The following NCKAP5 variants were observed in gnomAD, a reference collection of about 807,000 sequenced individuals.
NCKAP5 encodes nck-associated protein 5.
NCKAP5 carries 92 observed loss-of-function variants against 167.0 expected under a neutral mutation model. That is an observed-to-expected ratio of 0.55 (90% CI 0.47 to 0.66). The LOEUF (loss-of-function observed/expected upper bound fraction) is 0.66, where lower values mean the gene tolerates loss of function less well. Among genes scored for constraint, NCKAP5 ranks in the 30% least tolerant of loss-of-function variants. NCKAP5 has a pLI of 0.00. For missense variants in NCKAP5, 2,378 were observed against 2,315.0 expected, an observed-to-expected ratio of 1.03 and a Z score of -0.56; for synonymous variants, 891 against 877.4, an observed-to-expected ratio of 1.02 and a Z score of -0.27.
chr2:132,830,790 G>A (rs1186855393), intron 11 of NCKAP5, among the ~76,000 whole-genome samples: 4 of 152,104 alleles, frequency 2.6e-5, no homozygotes, highest in Middle Eastern at 3.4e-3. Context: ...AGCATTTCAT[G>A]GTCTTTTAAT....
In NCKAP5 at chr2:132,785,504, A is replaced by G; in HGVS notation, c.1307T>C (p.Ile436Thr). Residue 436 changes from isoleucine to threonine, a missense_variant, in exon 14 of 20, where the codon ATA becomes ACA. Ile to Thr is a moderately conservative substitution (Grantham distance 89). Coordinates refer to ENST00000409261, the MANE Select transcript of NCKAP5 (RefSeq NM_207363.3). ...GCTACTTTTAATTCCAGGAGAATAT[A>G]TTCCTTCATTCGAGTTCATGCAATC... The part of the protein sequence containing the change: ...YKDCMNSNEG[I>T]YSPGIKSSSL... The G allele has an allele frequency of 6.2e-7, 1 of 1,612,180 alleles. No homozygotes were observed. The highest frequency in any genetic ancestry group is 8.5e-7 in the Non-Finnish European group (1 of 1,179,030).
At chr2:133,488,028 G>T (rs1047218384) in intron 3 of NCKAP5, among the ~76,000 whole-genome samples, 8 of 152,174 alleles carry the variant, frequency 5.3e-5, no homozygotes, top group Non-Finnish European at 8.8e-5. Context: ...GGTTTGATCT[G>T]TGACCTTTGG....
chr2:133,149,713 T>A lies in NCKAP5; in HGVS notation c.208-19602A>T, dbSNP rs561279723. On this transcript the variant is annotated intron_variant, in intron 5 of 19. Coordinates refer to ENST00000409261, the MANE Select transcript of NCKAP5 (RefSeq NM_207363.3). ...TCATTAACTATTTAGTAATTACTTC[T>A]TGCCAGACACTCAATAGGTATTGCC... is the stretch of plus-strand genomic sequence containing the variant. Among the ~76,000 whole-genome samples, 6 of 152,266 alleles carry A rather than the reference T, an allele frequency of 3.9e-5. No individual in the cohort carries two copies. In the South Asian group the frequency reaches 1.2e-3, roughly 32 times the overall value.
At chr2:132,699,088 T>C (rs906640193) in intron 19 of NCKAP5, among the ~76,000 whole-genome samples, 3 of 152,186 alleles carry the variant, frequency 2.0e-5, no homozygotes, top group Admixed American at 1.3e-4. Flanking sequence ...ATCATCATTG[T>C]ACAGAAGAAA....
chr2:133,466,553 A>G (rs1425748030), intron 3 of NCKAP5, among the ~76,000 whole-genome samples: 6 of 151,848 alleles, frequency 4.0e-5, no homozygotes, highest in Admixed American at 1.3e-4. Context: ...GAAGAAAGGC[A>G]TTGGTAGCTT....
chr2:133,558,537 G>A (rs949976721), intron 2 of NCKAP5, among the ~76,000 whole-genome samples: 8 of 151,570 alleles, frequency 5.3e-5, no homozygotes, highest in Admixed American at 2.6e-4. Flanking sequence ...CCCTATAGAA[G>A]GAGTCACATC....
At chr2:133,030,442 A>T (rs1267245770) in intron 6 of NCKAP5, among the ~76,000 whole-genome samples, 1 of 152,176 alleles carries the variant, frequency 6.6e-6, no homozygotes, top group Non-Finnish European at 1.5e-5. Context: ...CTCAGTTCTC[A>T]GAAGAAGGTG....
chr2:133,162,882 T>C (rs201354215), intron 5 of NCKAP5, among the ~76,000 whole-genome samples: 2 of 152,170 alleles, frequency 1.3e-5, no homozygotes, highest in East Asian at 1.9e-4. Context: ...CAAACAGTCA[T>C]ACGTTATTTT....
chr2:132,811,175 G>A (rs1374010802), intron 11 of NCKAP5, among the ~76,000 whole-genome samples: 1 of 152,106 alleles, frequency 6.6e-6, no homozygotes, highest in East Asian at 1.9e-4. Flanking sequence ...GAGGCGACAG[G>A]GGAATGCAGT....
At chr2:133,081,370 CAAACA>C (rs761125418) in intron 6 of NCKAP5, among the ~76,000 whole-genome samples, 10 of 152,064 alleles carry the variant, frequency 6.6e-5, no homozygotes, top group Admixed American at 2.6e-4. Flanking sequence ...CATAATACAA[CAAACA>C]AAAGCACAAA....
At chr2:133,380,785 T>G (rs1400858614) in intron 3 of NCKAP5, among the ~76,000 whole-genome samples, 1 of 152,202 alleles carries the variant, frequency 6.6e-6, no homozygotes, top group Non-Finnish European at 1.5e-5. Flanking sequence ...GATCCCTAGG[T>G]AATATGTTTG....
At chr2:133,655,108 T>C in the NCKAP5 span, among the ~76,000 whole-genome samples, 3 of 152,306 alleles carry the variant, frequency 2.0e-5, no homozygotes, top group South Asian at 4.2e-4. Context: ...AGTGACATCA[T>C]GGCAATTTTA....
the NCKAP5 span, among the ~76,000 whole-genome samples, chr2:133,625,502 A>C: frequency 6.6e-6 from 1 of 152,310 alleles, no homozygotes. Flanking sequence ...CTTGTCATAC[A>C]GAAAGCAAGG....
At chr2:133,547,267 A>G (rs1265646243) in intron 2 of NCKAP5, among the ~76,000 whole-genome samples, 7 of 152,182 alleles carry the variant, frequency 4.6e-5, no homozygotes, top group African/African-American at 1.7e-4. Context: ...CAGCAGTCTG[A>G]GATCAAACTG....
intron 19 of NCKAP5, among the ~76,000 whole-genome samples, chr2:132,697,223 C>A (rs919464367): frequency 6.6e-6 from 1 of 152,196 alleles, no homozygotes; most frequent in African/African-American, 2.4e-5. Flanking sequence ...CCTTAAAGAG[C>A]AGTCACCTTG....
rs17746296 is a variant in NCKAP5, at chr2:133,441,181, G to C, written c.69+76277C>G. Among the ~76,000 whole-genome samples, 58 of 151,910 alleles carry C rather than the reference G, an allele frequency of 3.8e-4. 1 individual carries two copies. The highest frequency in any genetic ancestry group is 1.3e-3 in the African/African-American group (52 of 41,402). On this transcript the variant is annotated intron_variant, in intron 3 of 19. Transcript: ENST00000409261. ...TCCTTCCTCTGTCACCCTCATATGT[G>C]TGCTAATTGTAGTAACTGTGAGTCC... is the stretch of plus-strand genomic sequence containing the variant.
the NCKAP5 span, among the ~76,000 whole-genome samples, chr2:133,601,891 T>C: frequency 6.6e-6 from 1 of 151,842 alleles, no homozygotes; most frequent in Admixed American, 6.6e-5. Flanking sequence ...TAGTGGCGAG[T>C]GGAAAGCAAG....
intron 19 of NCKAP5, 42 bp downstream of exon 19, chr2:132,725,585 G>C (rs762334726): frequency 5.7e-6 from 9 of 1,577,972 alleles, no homozygotes; most frequent in Non-Finnish European, 5.1e-6. Context: ...CGGCTTCCCA[G>C]AGAGAGGAAC....
At chr2:133,525,970 T>G (rs1238263056) in intron 2 of NCKAP5, among the ~76,000 whole-genome samples, 1 of 152,102 alleles carries the variant, frequency 6.6e-6, no homozygotes, top group Non-Finnish European at 1.5e-5. Flanking sequence ...CTTAACAACG[T>G]AACTCTGGGG....
Sources: gnomAD v4.1 joint callset for allele counts (sites outside exome capture counted in the v4.1 genomes callset) on GRCh38, gnomAD v4.1.1 for gene constraint, MANE v1.5 for transcripts, NCBI Gene and HGNC (gene_info 2026-07-23, HGNC 2026-07-21) for gene names.